Variants in ZDHHC14 observed in about 807,000 individuals in gnomAD.
ZDHHC14 encodes the protein zDHHC palmitoyltransferase 14, also known as palmitoyltransferase ZDHHC14.
ZDHHC14 carries 16 observed loss-of-function variants against 47.7 expected under a neutral mutation model. The ratio of observed to expected loss-of-function variants is 0.34; its 90% CI spans 0.23 to 0.51. ZDHHC14 has a LOEUF of 0.51. Among genes scored for constraint, ZDHHC14 ranks in the 20% least tolerant of loss-of-function variants. The pLI is 0.97. For missense variants in ZDHHC14, 515 were observed against 662.5 expected (o/e 0.78, Z 2.44); for synonymous variants, 293 against 278.9 (o/e 1.05, Z -0.50).
At chr6:157,565,594 G>A (rs911734149) in intron 2 of ZDHHC14, among the ~76,000 whole-genome samples, 2 of 152,094 alleles carry the variant, frequency 1.3e-5, no homozygotes, top group African/African-American at 4.8e-5. Flanking sequence ...CGAGGCGGGC[G>A]GATCACCTGA....
At chr6:157,599,988 G>T (rs1048955396) in intron 3 of ZDHHC14, among the ~76,000 whole-genome samples, 3 of 152,186 alleles carry the variant, frequency 2.0e-5, no homozygotes, top group African/African-American at 7.2e-5. Context: ...GGGCCAAGGA[G>T]TGAGTAGAAA....
chr6:157,556,782 G>A (rs1363902796), intron 2 of ZDHHC14, among the ~76,000 whole-genome samples: 2 of 152,168 alleles, frequency 1.3e-5, no homozygotes, highest in Admixed American at 1.3e-4. Context: ...GACAGGTGGG[G>A]ACAGAAAGGG....
At chr6:157,648,741 C>A (rs1258448558) in intron 7 of ZDHHC14, among the ~76,000 whole-genome samples, 1 of 152,196 alleles carries the variant, frequency 6.6e-6, no homozygotes, top group East Asian at 1.9e-4. Flanking sequence ...TCCTGACTCA[C>A]CTAGGGATCC....
intron 1 of ZDHHC14, among the ~76,000 whole-genome samples, chr6:157,505,759 G>T (rs1374647485): frequency 6.6e-6 from 1 of 152,168 alleles, no homozygotes; most frequent in African/African-American, 2.4e-5. Context: ...TTTAAACGAA[G>T]AATTAAATTG....
chr6:157,437,907 T>TA (rs532882832), intron 1 of ZDHHC14, among the ~76,000 whole-genome samples: 101 of 148,346 alleles, frequency 6.8e-4, no homozygotes, highest in African/African-American at 1.7e-3. Context: ...ATGGTAGAGT[T>TA]AAAAAAAAAA....
intron 1 of ZDHHC14, among the ~76,000 whole-genome samples, chr6:157,414,603 A>G (rs550844700): frequency 1.3e-5 from 2 of 152,210 alleles, no homozygotes; most frequent in Non-Finnish European, 2.9e-5. Flanking sequence ...AGAGACTTTC[A>G]TCCAGGCCAA....
intron 1 of ZDHHC14, among the ~76,000 whole-genome samples, chr6:157,409,963 G>C (rs542792410): frequency 1.3e-5 from 2 of 152,060 alleles, no homozygotes; most frequent in African/African-American, 2.4e-5. Context: ...CGAGTAGCTG[G>C]GACTACAGGC....
At chr6:157,386,785 G>A (rs978507510) in intron 1 of ZDHHC14, among the ~76,000 whole-genome samples, 2 of 152,196 alleles carry the variant, frequency 1.3e-5, no homozygotes, top group African/African-American at 2.4e-5. Flanking sequence ...CACATTCCCA[G>A]AAGTAGAATT....
intron 1 of ZDHHC14, among the ~76,000 whole-genome samples, chr6:157,408,328 C>T (rs1777809289): frequency 6.6e-6 from 1 of 151,944 alleles, no homozygotes; most frequent in African/African-American, 2.4e-5. Context: ...TTCCGGGGTA[C>T]ATGTGCAGGA....
At chr6:157,647,550 T>A (rs1294940003) in intron 7 of ZDHHC14, among the ~76,000 whole-genome samples, 182 bp downstream of exon 7, 1 of 152,218 alleles carries the variant, frequency 6.6e-6, no homozygotes, top group Non-Finnish European at 1.5e-5. Context: ...ACTTCACACC[T>A]TTTTTGATCT....
intron 8 of ZDHHC14, among the ~76,000 whole-genome samples, chr6:157,667,800 T>G (rs367816358): frequency 1.3e-5 from 2 of 152,304 alleles, no homozygotes; most frequent in East Asian, 1.9e-4. Flanking sequence ...TTTAAAAAAA[T>G]CAGGTATCCC....
intron 1 of ZDHHC14, among the ~76,000 whole-genome samples, chr6:157,384,200 A>G (rs1777269095): frequency 6.6e-6 from 1 of 152,238 alleles, no homozygotes; most frequent in Admixed American, 6.5e-5. Flanking sequence ...TTCAGCCACA[A>G]GTGTGCTCCA....
At chr6:157,668,772 C>T (rs1433151110) in intron 8 of ZDHHC14, among the ~76,000 whole-genome samples, 1 of 152,156 alleles carries the variant, frequency 6.6e-6, no homozygotes, top group Non-Finnish European at 1.5e-5. Context: ...TATTTCACAC[C>T]TTCTTCAAGT....
chr6:157,642,023 AAGATAGATAGATAGATAGAT>A (rs77223982), intron 5 of ZDHHC14, among the ~76,000 whole-genome samples: 4 of 146,728 alleles, frequency 2.7e-5, no homozygotes, highest in African/African-American at 7.6e-5. Context: ...GTATATTTTG[AAGATAGATAGATAGATAGAT>A]AGATAGATAG....
chr6:157,540,908 G>GTATATA (rs1200618040), intron 1 of ZDHHC14, among the ~76,000 whole-genome samples: 27 of 131,536 alleles, frequency 2.1e-4, no homozygotes, highest in African/African-American at 9.2e-4. Flanking sequence ...GTGTGTGTGT[G>GTATATA]TGTATATATA....
rs543866062 is a variant in ZDHHC14 at position 157,566,836 on chromosome 6, T to G, written c.406+24091T>G. Among the ~76,000 whole-genome samples, 92 of 148,324 alleles carry G rather than the reference T, an allele frequency of 6.2e-4. 1 individual carries two copies. Among genetic ancestry groups the G allele is most frequent in the African/African-American group, 2.2e-3 (86 of 39,474 alleles). On this transcript the variant is annotated intron_variant, in intron 2 of 8. Coordinates refer to ENST00000359775, the MANE Select transcript of ZDHHC14 (RefSeq NM_024630.3). The stretch of plus-strand genomic sequence containing the variant: ...ACCCAATGACCACAACCAAGGAGAA[T>G]TTAGCAAGGGGAATTTTTTTTTTTT...
chr6:157,424,235 A>T (rs1017428262), intron 1 of ZDHHC14, among the ~76,000 whole-genome samples: 1 of 151,828 alleles, frequency 6.6e-6, no homozygotes, highest in Non-Finnish European at 1.5e-5. Context: ...GAGGGGAAAA[A>T]AGGCAAACCT....
At chr6:157,389,793 A>G (rs1331854735) in intron 1 of ZDHHC14, among the ~76,000 whole-genome samples, 3 of 152,168 alleles carry the variant, frequency 2.0e-5, no homozygotes, top group South Asian at 2.1e-4. Flanking sequence ...ACCCACTGTC[A>G]TATATTTTAC....
chr6:157,517,804 G>A (rs767096609), intron 1 of ZDHHC14, among the ~76,000 whole-genome samples: 5 of 152,256 alleles, frequency 3.3e-5, no homozygotes, highest in African/African-American at 4.8e-5. Flanking sequence ...CAGGGACAGT[G>A]CTGGCATTTG....
Sources: gnomAD v4.1 joint callset for allele counts (sites outside exome capture counted in the v4.1 genomes callset) on GRCh38, gnomAD v4.1.1 for gene constraint, MANE v1.5 for transcripts, NCBI Gene and HGNC (gene_info 2026-07-23, HGNC 2026-07-21) for gene names.